Variants in CACNB2 observed in about 807,000 individuals in gnomAD.
CACNB2 encodes voltage-dependent L-type calcium channel subunit beta-2.
Under a neutral mutation model 73.3 loss-of-function variants are expected in CACNB2, and 42 were observed. The observed-to-expected ratio is 0.57, with a 90% confidence interval of 0.45 to 0.74. The LOEUF (loss-of-function observed/expected upper bound fraction) is 0.74, where lower values mean the gene tolerates loss of function less well. Ranked by LOEUF, CACNB2 falls within the 30% of genes least tolerant of loss-of-function variation. The pLI, the probability that CACNB2 is intolerant of heterozygous loss-of-function variation, is 0.00. For missense variants in CACNB2, 940 were observed against 853.0 expected, an observed-to-expected ratio of 1.10 and a Z score of -1.27; for synonymous variants, 348 against 310.3, an observed-to-expected ratio of 1.12 and a Z score of -1.28.
intron 2 of CACNB2, among the ~76,000 whole-genome samples, chr10:18,349,413 T>G (rs1417211502): frequency 6.6e-6 from 1 of 152,178 alleles, no homozygotes; most frequent in Non-Finnish European, 1.5e-5. Flanking sequence ...TGGGTCCAAT[T>G]GTTGATGCAG....
At chr10:18,159,725 T>A (rs931679965) in intron 2 of CACNB2, among the ~76,000 whole-genome samples, 1 of 152,222 alleles carries the variant, frequency 6.6e-6, no homozygotes, top group Admixed American at 6.5e-5. Flanking sequence ...AAAGACAGAT[T>A]AAACTGCGAT....
intron 2 of CACNB2, among the ~76,000 whole-genome samples, chr10:18,331,174 C>T (rs147544233): frequency 5.7e-4 from 86 of 151,672 alleles, no homozygotes; most frequent in African/African-American, 1.9e-3. Flanking sequence ...TTAGTAGAGA[C>T]GGGGTTTCAC....
At chr10:18,400,263 A>T (rs2043923074) in intron 2 of CACNB2, among the ~76,000 whole-genome samples, 1 of 152,232 alleles carries the variant, frequency 6.6e-6, no homozygotes, top group Non-Finnish European at 1.5e-5. Flanking sequence ...TATGATATTT[A>T]CTACCTGTGA....
chr10:18,522,936 GGAGA>G (rs1357386551), intron 9 of CACNB2, among the ~76,000 whole-genome samples: 1 of 144,798 alleles, frequency 6.9e-6, no homozygotes, highest in African/African-American at 2.6e-5. Flanking sequence ...AGAACTGAAA[GGAGA>G]GAGAATGAGG....
intron 2 of CACNB2, among the ~76,000 whole-genome samples, chr10:18,236,830 C>G (rs1322982530): frequency 6.6e-6 from 1 of 152,130 alleles, no homozygotes; most frequent in African/African-American, 2.4e-5. Flanking sequence ...CAGAACTTTG[C>G]AGTCTGAGCC....
At chr10:18,374,263 G>C (rs1030661744) in intron 2 of CACNB2, among the ~76,000 whole-genome samples, 1 of 152,286 alleles carries the variant, frequency 6.6e-6, no homozygotes, top group East Asian at 1.9e-4. Flanking sequence ...GAAAGTCAGT[G>C]GATGAAGAGA....
chr10:18,375,836 G>C (rs2042776349), intron 2 of CACNB2, among the ~76,000 whole-genome samples: 2 of 152,144 alleles, frequency 1.3e-5, no homozygotes. Flanking sequence ...CTTTGACATA[G>C]ATTTGGACAA....
intron 3 of CACNB2, among the ~76,000 whole-genome samples, chr10:18,459,864 G>T (rs762648494): frequency 6.6e-6 from 1 of 152,106 alleles, no homozygotes; most frequent in African/African-American, 2.4e-5. Context: ...TGGGAATGAC[G>T]ATGGGTGCCT....
At chr10:18,499,461 A>T (rs10828786) in intron 4 of CACNB2, among the ~76,000 whole-genome samples, 33,612 of 151,674 alleles carry the variant, frequency 0.22, 4,170 homozygotes, top group East Asian at 0.55. Flanking sequence ...CTAAAAATAC[A>T]AAAATTATCT....
At chr10:18,453,080 A>C (rs1310304709) in intron 3 of CACNB2, among the ~76,000 whole-genome samples, 2 of 151,950 alleles carry the variant, frequency 1.3e-5, no homozygotes, top group Non-Finnish European at 2.9e-5. Flanking sequence ...ACTTTTCTCC[A>C]TCTCTGCTGC....
intron 2 of CACNB2, among the ~76,000 whole-genome samples, chr10:18,309,969 T>G (rs1049883233): frequency 4.6e-5 from 7 of 152,234 alleles, no homozygotes; most frequent in African/African-American, 1.7e-4. Flanking sequence ...TTATTTCTGA[T>G]ACCAGTTATT....
rs530744633 is a variant in CACNB2 at position 18,270,222 on chromosome 10, A to T, written c.213+119247A>T. 1.6e-4 allele frequency among the ~76,000 whole-genome samples: 24 copies of T among 152,248 alleles called. No individual in the cohort carries two copies. The East Asian group carries it at 4.6e-3, about 29-fold the overall frequency. On this transcript the variant is annotated intron_variant, in intron 2 of 13. Transcript: ENST00000324631. ...AGGGGGAAGAACCCCTTATAAAACC[A>T]TCAGATCTCATAAAAACTTACTATC...
intron 3 of CACNB2, 30 bp from the exon 4 acceptor site, chr10:18,498,325 T>A (rs1344078416): frequency 6.2e-7 from 1 of 1,612,516 alleles, no homozygotes; most frequent in Non-Finnish European, 8.5e-7. Flanking sequence ...TTTGCTCTTA[T>A]TTTTTTCCCT....
At chr10:18,501,730 G>A (rs1330806957) in intron 5 of CACNB2, among the ~76,000 whole-genome samples, 1 of 151,986 alleles carries the variant, frequency 6.6e-6, no homozygotes, top group Admixed American at 6.6e-5. Context: ...CATCTTATTT[G>A]TTTATCTAAG....
At chr10:18,285,747 A>G (rs2038759452) in intron 2 of CACNB2, among the ~76,000 whole-genome samples, 1 of 152,240 alleles carries the variant, frequency 6.6e-6, no homozygotes, top group Non-Finnish European at 1.5e-5. Context: ...GTTATGTGAC[A>G]TTTTGAAGTC....
intron 2 of CACNB2, among the ~76,000 whole-genome samples, chr10:18,361,075 A>G (rs952670728): frequency 6.6e-6 from 1 of 151,486 alleles, no homozygotes; most frequent in African/African-American, 2.4e-5. Flanking sequence ...CTTTTCCCCC[A>G]TCTACTAAAT....
chr10:18,344,035 C>A (rs1006000819), intron 2 of CACNB2, among the ~76,000 whole-genome samples: 1 of 148,678 alleles, frequency 6.7e-6, no homozygotes, highest in South Asian at 2.1e-4. Context: ...TTTTTTCTTC[C>A]TCTTTAATTT....
At chr10:18,359,221 T>A (rs2042050289) in intron 2 of CACNB2, among the ~76,000 whole-genome samples, 1 of 152,026 alleles carries the variant, frequency 6.6e-6, no homozygotes, top group Non-Finnish European at 1.5e-5. Context: ...AATAAATAAA[T>A]AGATGTGGGA....
chr10:18,353,474 G>A (rs555161995), intron 2 of CACNB2, among the ~76,000 whole-genome samples: 1 of 151,756 alleles, frequency 6.6e-6, no homozygotes, highest in South Asian at 2.1e-4. Flanking sequence ...AAAAGTCTTA[G>A]TTAAGGACAT....
Sources: gnomAD v4.1 joint callset for allele counts (sites outside exome capture counted in the v4.1 genomes callset) on GRCh38, gnomAD v4.1.1 for gene constraint, MANE v1.5 for transcripts, NCBI Gene and HGNC (gene_info 2026-07-23, HGNC 2026-07-21) for gene names.